The following VPS8 variants were observed in gnomAD, a reference collection of about 807,000 sequenced individuals.
The protein encoded by VPS8 is vacuolar protein sorting-associated protein 8 homolog.
In VPS8, 129 loss-of-function variants were observed where a neutral mutation model predicts 216.4. The observed-to-expected ratio is 0.60, with a 90% CI of 0.52 to 0.69. VPS8 has a LOEUF of 0.69. Ranked by LOEUF, VPS8 falls within the 30% of genes least tolerant of loss-of-function variation. The probability of loss-of-function intolerance (pLI) is 0.00; values close to 1 mark genes in which losing one functional copy is unlikely to be tolerated. For synonymous variants in VPS8, 571 were observed against 565.4 expected (o/e 1.01, Z -0.14); for missense variants, 1,531 against 1,683.5 (o/e 0.91, Z 1.59).
At chr3:184,962,757 GTGTGTGTGTC>G (rs1276064222) in intron 37 of VPS8, among the ~76,000 whole-genome samples, 4 of 113,554 alleles carry the variant, frequency 3.5e-5, no homozygotes, top group Admixed American at 9.2e-5. Flanking sequence ...GTGTGTGTGT[GTGTGTGTGTC>G]TTATTTCCTT....
rs781483084 is a variant in VPS8 at position 184,894,883 on chromosome 3, G to A, written c.1962G>A (p.Ala654=). The A allele has an allele frequency of 1.2e-5, 20 of 1,608,506 alleles. 1 individual carries two copies. In the Middle Eastern group the frequency reaches 8.0e-4, roughly 64 times the overall value. ...AAAAATTAATGGAAAATGTGGAAGC[G>A]CTCATTGTACATATGGATATCACCA... is the stretch of plus-strand genomic sequence containing the variant. ...QDKKLMENVE[A]LIVHMDITSL... is the part of the protein sequence containing the mutation. The change falls in exon 23 of 48, where the codon GCG becomes GCA. Residue 654 remains alanine (A), a synonymous_variant. Transcript: ENST00000625842.
intron 40 of VPS8, among the ~76,000 whole-genome samples, chr3:184,978,373 G>C (rs550560472): frequency 6.6e-6 from 1 of 151,072 alleles, no homozygotes; most frequent in South Asian, 2.1e-4. Context: ...CCGTCCATCC[G>C]TCCTCCCTCC....
chr3:184,999,661 A>G (rs1396227206), intron 44 of VPS8, 35 bp from the exon 45 acceptor site: 2 of 1,571,160 alleles, frequency 1.3e-6, no homozygotes, highest in Middle Eastern at 1.7e-4. Context: ...TTTTGTGATA[A>G]TAAAAAGTAC....
chr3:184,915,809 AAAAAAAG>A (rs1014127786), intron 28 of VPS8, among the ~76,000 whole-genome samples: 1 of 152,218 alleles, frequency 6.6e-6, no homozygotes, highest in Admixed American at 6.5e-5. Context: ...ACTCTGTCTC[AAAAAAAG>A]AAAAAAGAAA....
intron 5 of VPS8, among the ~76,000 whole-genome samples, chr3:184,837,729 C>T (rs999146833): frequency 4.6e-5 from 7 of 152,108 alleles, no homozygotes; most frequent in Non-Finnish European, 7.3e-5. Context: ...TAATTGACCA[C>T]GCTGACAAGG....
At position 184,818,167 on chromosome 3, in the gene VPS8, C is replaced by T. The variant is rs1258956273; in HGVS notation, c.-89+5942C>T. Among the ~76,000 whole-genome samples the T allele has an allele frequency of 2.0e-5, 3 of 152,190 alleles. No homozygotes were observed. The South Asian group carries it at 6.2e-4, about 32-fold the overall frequency. Reference sequence around the variant, plus strand: ...AGGGAAGGAGGCAGAAGGATCAGCTCGTGTGATATCTGGAGTCACAGGCTT... The same window carrying T: ...AGGGAAGGAGGCAGAAGGATCAGCTTGTGTGATATCTGGAGTCACAGGCTT... On this transcript the variant is annotated intron_variant, in intron 1 of 47. Transcript: ENST00000625842.
chr3:184,929,594 A>T lies in VPS8; in HGVS notation c.2729A>T (p.Glu910Val). 1.3e-6 allele frequency: 2 copies of T among 1,527,720 alleles called. No homozygotes were observed. The highest frequency in any genetic ancestry group is 1.8e-6 in the Non-Finnish European group (2 of 1,131,188). 94.6% of individuals were successfully genotyped at this position (1,527,720 alleles called of 1,614,324 possible). A position where few individuals can be genotyped will look rare whatever the true frequency, so the allele number is the denominator to read the frequency against. ...TTACATTCTAGCTATCAAATTTGTG[A>T]ATTTATGTATGAAAGAGAACACCAA... ...AEKAEFYQICEFMYEREHQYD... is the reference protein window; with the variant it reads ...AEKAEFYQICVFMYEREHQYD... The change falls in exon 33 of 48, where the codon GAA (glutamate) becomes GTA (valine). Residue 910 changes from glutamate to valine, a missense_variant. Coordinates refer to ENST00000625842, the MANE Select transcript of VPS8 (RefSeq NM_001009921.3).
intron 25 of VPS8, among the ~76,000 whole-genome samples, chr3:184,911,985 C>T (rs181917741): frequency 7.2e-5 from 11 of 152,272 alleles, no homozygotes; most frequent in African/African-American, 2.6e-4. Flanking sequence ...TTTAGAGCCC[C>T]GCACCTGGTA....
At chr3:184,971,578 A>C in intron 39 of VPS8, 71 bp from the exon 40 acceptor site, 1 of 1,213,298 alleles carries the variant, frequency 8.2e-7, no homozygotes, top group Non-Finnish European at 1.2e-6. Flanking sequence ...AAGAAGTTTA[A>C]CTTTTCACAG....
At chr3:184,906,740 A>G (rs1173245980) in intron 25 of VPS8, among the ~76,000 whole-genome samples, 1 of 152,198 alleles carries the variant, frequency 6.6e-6, no homozygotes, top group Non-Finnish European at 1.5e-5. Flanking sequence ...GAATGATCCA[A>G]TAATATTTGG....
intron 16 of VPS8, among the ~76,000 whole-genome samples, chr3:184,864,199 G>A (rs1314668942): frequency 6.6e-6 from 1 of 152,118 alleles, no homozygotes; most frequent in Non-Finnish European, 1.5e-5. Flanking sequence ...CAGTTCTTAA[G>A]ACACTGGACA....
At chr3:184,870,470 A>G (rs1023724498) in intron 20 of VPS8, among the ~76,000 whole-genome samples, 8 of 152,220 alleles carry the variant, frequency 5.3e-5, no homozygotes, top group Non-Finnish European at 1.0e-4. Flanking sequence ...TTTCCTGAGC[A>G]GTATAGATGC....
chr3:184,966,389 TC>T (rs1464164825), intron 38 of VPS8, among the ~76,000 whole-genome samples: 1 of 152,130 alleles, frequency 6.6e-6, no homozygotes, highest in Non-Finnish European at 1.5e-5. Flanking sequence ...CCAAACTATA[TC>T]ACCCAATATG....
intron 45 of VPS8, among the ~76,000 whole-genome samples, chr3:185,018,889 G>T (rs545489367): frequency 2.0e-5 from 3 of 152,234 alleles, no homozygotes; most frequent in African/African-American, 7.2e-5. Flanking sequence ...AGTCACTGGG[G>T]CAACTACTTT....
chr3:185,017,550 A>G (rs752075075), intron 45 of VPS8, among the ~76,000 whole-genome samples: 1 of 152,166 alleles, frequency 6.6e-6, no homozygotes, highest in Non-Finnish European at 1.5e-5. Context: ...AGATGTAACA[A>G]TTTGAATTTC....
chr3:184,832,949 T>A lies in VPS8; in HGVS notation c.353+130T>A, dbSNP rs1316598741. 5 of 1,182,018 alleles carry A rather than the reference T, an allele frequency of 4.2e-6. No individual in the cohort carries two copies. In the East Asian group the frequency reaches 1.4e-4, roughly 32 times the overall value. 73.2% of individuals were successfully genotyped at this position (1,182,018 alleles called of 1,614,324 possible). ...CATGGGAAGTAGAAGGGATATAATA[T>A]CTTGAAAATTTTGGTACCATTAAGG... On this transcript the variant is annotated intron_variant, in intron 4 of 47. Coordinates refer to ENST00000625842, the MANE Select transcript of VPS8 (RefSeq NM_001009921.3).
At chr3:184,837,023 G>C (rs1434104916) in intron 5 of VPS8, among the ~76,000 whole-genome samples, 1 of 151,982 alleles carries the variant, frequency 6.6e-6, no homozygotes, top group African/African-American at 2.4e-5. Flanking sequence ...TGCGTCCACT[G>C]TATAAGAATC....
In VPS8 at chr3:184,870,737, T is replaced by C; in HGVS notation, c.1666T>C (p.Tyr556His). 6.2e-7 allele frequency: 1 copy of C among 1,612,282 alleles called. No individual in the cohort carries two copies. The highest frequency in any genetic ancestry group is 8.5e-7 in the Non-Finnish European group (1 of 1,179,100). Reference sequence around the variant, plus strand: ...ACAGATGGTAGAAATCCTATTCCATTATGCAGATCGAGCTCTGAAAAAGTG... The same window carrying C: ...ACAGATGGTAGAAATCCTATTCCATCATGCAGATCGAGCTCTGAAAAAGTG... The part of the protein sequence containing the change: ...ADRMVEILFH[Y>H]ADRALKKCPD... Residue 556 changes from tyrosine to histidine, a missense_variant, in exon 21 of 48, where the codon TAT becomes CAT. Around this residue, in one of 3 missense-constraint regions of VPS8, gnomAD observed 1,318 missense variants for 1,468.4 expected, o/e 0.90. Transcript: ENST00000625842.
chr3:185,038,411 G>A (rs1759191753), intron 46 of VPS8, among the ~76,000 whole-genome samples: 1 of 152,182 alleles, frequency 6.6e-6, no homozygotes, highest in African/African-American at 2.4e-5. Context: ...TTAAGTAATA[G>A]TTTCTGGGAG....
Sources: gnomAD v4.1 joint callset for allele counts (sites outside exome capture counted in the v4.1 genomes callset) on GRCh38, gnomAD v4.1.1 for gene constraint, gnomAD v4.1.1 regional missense constraint, MANE v1.5 for transcripts, NCBI Gene and HGNC (gene_info 2026-07-23, HGNC 2026-07-21) for gene names.